ADGRB3: variants seen among roughly 807,000 people sequenced by gnomAD.
ADGRB3 encodes brain-specific angiogenesis inhibitor 3.
In ADGRB3, 37 loss-of-function variants were observed where a neutral mutation model predicts 193.4. The observed-to-expected ratio is 0.19, with a 90% CI of 0.15 to 0.25. ADGRB3 has a LOEUF of 0.25. Ranked by LOEUF, ADGRB3 falls within the 10% of genes least tolerant of loss-of-function variation. The pLI is 1.00. For synonymous variants in ADGRB3, 690 were observed against 644.2 expected, an observed-to-expected ratio of 1.07 and a Z score of -1.08; for missense variants, 1,637 against 1,852.9, an observed-to-expected ratio of 0.88 and a Z score of 2.14.
intron 3 of ADGRB3, among the ~76,000 whole-genome samples, chr6:68,829,091 C>A (rs1447053299): frequency 2.1e-5 from 2 of 94,656 alleles, no homozygotes; most frequent in Admixed American, 2.5e-4. Context: ...GTTTAAGTAA[C>A]TTTTTTTTTT....
At chr6:68,722,740 T>C (rs1057484322) in intron 3 of ADGRB3, among the ~76,000 whole-genome samples, 4 of 151,708 alleles carry the variant, frequency 2.6e-5, no homozygotes, top group Admixed American at 6.6e-5. Context: ...GACTGTCCCG[T>C]AACATGAGAC....
At chr6:69,067,387 C>A (rs1159334459) in intron 16 of ADGRB3, among the ~76,000 whole-genome samples, 1 of 152,036 alleles carries the variant, frequency 6.6e-6, no homozygotes, top group Non-Finnish European at 1.5e-5. Context: ...TGAAAATTAA[C>A]CATGACCCTA....
intron 3 of ADGRB3, among the ~76,000 whole-genome samples, chr6:68,644,146 T>A (rs1768149958): frequency 6.6e-6 from 1 of 151,824 alleles, no homozygotes; most frequent in African/African-American, 2.4e-5. Context: ...AATAAATAGG[T>A]TACAGTAAAA....
intron 17 of ADGRB3, among the ~76,000 whole-genome samples, chr6:69,077,415 A>C (rs996425200): frequency 3.3e-5 from 5 of 152,006 alleles, no homozygotes; most frequent in African/African-American, 1.2e-4. Context: ...ATCTCTGTGA[A>C]TAATAAGCAA....
At chr6:68,707,648 G>T (rs1333395913) in intron 3 of ADGRB3, among the ~76,000 whole-genome samples, 1 of 152,068 alleles carries the variant, frequency 6.6e-6, no homozygotes, top group Admixed American at 6.6e-5. Flanking sequence ...AATAATCTTT[G>T]TTCTTATTAA....
chr6:68,832,707 T>C (rs1218708552), intron 3 of ADGRB3, among the ~76,000 whole-genome samples: 4 of 152,300 alleles, frequency 2.6e-5, no homozygotes, highest in African/African-American at 9.6e-5. Flanking sequence ...GTCTTTCTCA[T>C]GGCCACAAAT....
chr6:68,986,612 C>T (rs1309488694), intron 10 of ADGRB3, among the ~76,000 whole-genome samples: 3 of 152,060 alleles, frequency 2.0e-5, no homozygotes, highest in African/African-American at 7.2e-5. Context: ...ATGCCATTGT[C>T]CAATGAGTGA....
intron 13 of ADGRB3, among the ~76,000 whole-genome samples, chr6:69,037,307 T>C (rs1261988347): frequency 6.6e-6 from 1 of 152,206 alleles, no homozygotes; most frequent in East Asian, 1.9e-4. Context: ...TGGCTTTGCT[T>C]ATATGATTAA....
chr6:68,676,878 C>T (rs1769105269), intron 3 of ADGRB3, among the ~76,000 whole-genome samples: 1 of 152,040 alleles, frequency 6.6e-6, no homozygotes, highest in Non-Finnish European at 1.5e-5. Flanking sequence ...AAAAAATAAG[C>T]TTTTTCTAAA....
At chr6:68,871,532 G>A (rs62416390) in intron 3 of ADGRB3, among the ~76,000 whole-genome samples, 42,991 of 151,802 alleles carry the variant, frequency 0.28, 6,934 homozygotes, top group Middle Eastern at 0.51. Context: ...TTTATAGCAT[G>A]TTTTTCTTGT....
chr6:69,036,727 C>A (rs1380125290), intron 13 of ADGRB3, among the ~76,000 whole-genome samples: 1 of 151,992 alleles, frequency 6.6e-6, no homozygotes, highest in African/African-American at 2.4e-5. Context: ...AAAGAAAAAG[C>A]CCTGTGGTAG....
At chr6:68,892,615 G>A (rs955941801) in intron 3 of ADGRB3, among the ~76,000 whole-genome samples, 11 of 152,100 alleles carry the variant, frequency 7.2e-5, no homozygotes, top group African/African-American at 2.7e-4. Flanking sequence ...GATCATGTGT[G>A]TCTTAACATT....
At chr6:68,856,573 G>C (rs1764991518) in intron 3 of ADGRB3, among the ~76,000 whole-genome samples, 1 of 152,192 alleles carries the variant, frequency 6.6e-6, no homozygotes, top group Admixed American at 6.5e-5. Flanking sequence ...TTGAACTTGA[G>C]AGAGATAATT....
At chr6:69,157,644 A>T (rs1207702345) in intron 17 of ADGRB3, among the ~76,000 whole-genome samples, 1 of 151,636 alleles carries the variant, frequency 6.6e-6, no homozygotes, top group African/African-American at 2.4e-5. Context: ...CTAATAAATG[A>T]TTAGGTTGGT....
chr6:69,331,080 C>T (rs181972140), intron 23 of ADGRB3, among the ~76,000 whole-genome samples: 1 of 152,210 alleles, frequency 6.6e-6, no homozygotes, highest in East Asian at 1.9e-4. Flanking sequence ...TCCGCAGCAT[C>T]CTTCTTCTCT....
intron 29 of ADGRB3, among the ~76,000 whole-genome samples, chr6:69,363,467 T>C (rs1338230629): frequency 1.3e-5 from 2 of 152,016 alleles, no homozygotes; most frequent in African/African-American, 4.8e-5. Context: ...CAGGAATTAA[T>C]CTTCACAACA....
intron 3 of ADGRB3, among the ~76,000 whole-genome samples, chr6:68,730,316 A>G (rs770590949): frequency 6.6e-6 from 1 of 151,602 alleles, no homozygotes; most frequent in Non-Finnish European, 1.5e-5. Flanking sequence ...AAATCCAATA[A>G]GGGGAATAAC....
At chr6:69,167,265 G>A (rs1775154746) in intron 17 of ADGRB3, among the ~76,000 whole-genome samples, 1 of 152,042 alleles carries the variant, frequency 6.6e-6, no homozygotes, top group Admixed American at 6.6e-5. Flanking sequence ...CTAACCAGAA[G>A]GATTTTGAGA....
rs567837478 is a variant in ADGRB3, at chr6:68,900,103, T to C, written c.758-30456T>C. 1.4e-4 allele frequency among the ~76,000 whole-genome samples: 22 copies of C among 152,270 alleles called. No homozygotes were observed. In the South Asian group the frequency reaches 2.1e-3, roughly 14 times the overall value. On this transcript the variant is annotated intron_variant, in intron 3 of 31. Coordinates refer to ENST00000370598, the MANE Select transcript of ADGRB3 (RefSeq NM_001704.3). ...AAATAGCAGTTAAATGTATTGACTA[T>C]GTGTATGCATACATGTATAATTATA... is the stretch of plus-strand genomic sequence containing the variant.
Sources: gnomAD v4.1 joint callset for allele counts (sites outside exome capture counted in the v4.1 genomes callset) on GRCh38, gnomAD v4.1.1 for gene constraint, MANE v1.5 for transcripts, NCBI Gene and HGNC (gene_info 2026-07-23, HGNC 2026-07-21) for gene names.